ZBTB44: variants seen among roughly 807,000 people sequenced by gnomAD.
The protein encoded by ZBTB44 is zinc finger and BTB domain containing 44, also known as zinc finger and BTB domain-containing protein 44.
In ZBTB44, 15 loss-of-function variants were observed where a neutral mutation model predicts 54.0. The observed-to-expected ratio is 0.28, with a 90% CI of 0.19 to 0.43. The LOEUF is 0.43. Ranked by LOEUF, ZBTB44 falls within the 20% of genes least tolerant of loss-of-function variation. ZBTB44 has a pLI of 1.00. For missense variants in ZBTB44, 487 were observed against 707.1 expected (o/e 0.69, Z 3.53); for synonymous variants, 230 against 250.1 (o/e 0.92, Z 0.76).
intron 1 of ZBTB44, chr11:130,297,076 C>G: frequency 1.6e-6 from 1 of 630,342 alleles, no homozygotes; most frequent in African/African-American, 1.9e-5. Flanking sequence ...TTTCTTTCAT[C>G]TTGAATAACT....
chr11:130,304,719 A>G (rs1046445095), intron 1 of ZBTB44, among the ~76,000 whole-genome samples: 2 of 152,238 alleles, frequency 1.3e-5, no homozygotes, highest in Non-Finnish European at 2.9e-5. Context: ...AGTCCTAAGA[A>G]TATATTTTTA....
At chr11:130,284,419 G>T (rs1307064874) in intron 1 of ZBTB44, among the ~76,000 whole-genome samples, 1 of 152,140 alleles carries the variant, frequency 6.6e-6, no homozygotes, top group African/African-American at 2.4e-5. Context: ...AACATTTACT[G>T]GTGGCATATA....
intron 1 of ZBTB44, among the ~76,000 whole-genome samples, chr11:130,294,733 T>C (rs566855014): frequency 1.3e-5 from 2 of 152,212 alleles, no homozygotes; most frequent in South Asian, 2.1e-4. Context: ...GTTCCAATAA[T>C]GGAACGGTAG....
chr11:130,253,252 C>A (rs998056083), intron 2 of ZBTB44, among the ~76,000 whole-genome samples: 3 of 152,124 alleles, frequency 2.0e-5, no homozygotes, highest in African/African-American at 7.2e-5. Context: ...AAAGGGTATT[C>A]AATTACGAAA....
In ZBTB44 at chr11:130,268,845, G is replaced by A. The variant is rs546774876; in HGVS notation, c.-56-6916C>T. Among the ~76,000 whole-genome samples, 544 of 151,652 alleles carry A rather than the reference G, an allele frequency of 3.6e-3. 7 individuals are homozygous for A. Among genetic ancestry groups the A allele is most frequent in the African/African-American group, 0.013 (526 of 41,324 alleles). Reference sequence around the variant, plus strand: ...TCCACCTGACTCAGCCTCCCAAAGCGCTGGGATTACAGGTGTGAGCCATCA... The same window carrying A: ...TCCACCTGACTCAGCCTCCCAAAGCACTGGGATTACAGGTGTGAGCCATCA... On this transcript the variant is annotated intron_variant, in intron 1 of 7. Coordinates refer to ENST00000357899, the MANE Select transcript of ZBTB44 (RefSeq NM_001301098.2).
At chr11:130,300,353 A>AAT (rs1208812601) in intron 1 of ZBTB44, among the ~76,000 whole-genome samples, 2 of 151,750 alleles carry the variant, frequency 1.3e-5, no homozygotes, top group Non-Finnish European at 2.9e-5. Context: ...CACACACACA[A>AAT]ATCAATGGTC....
chr11:130,235,385 C>T (rs1280858786), intron 5 of ZBTB44, among the ~76,000 whole-genome samples: 1 of 152,054 alleles, frequency 6.6e-6, no homozygotes, highest in Non-Finnish European at 1.5e-5. Context: ...ATATGTATAA[C>T]CTAAGGTTTA....
chr11:130,240,562 C>T (rs1205025186), intron 2 of ZBTB44, among the ~76,000 whole-genome samples: 1 of 152,178 alleles, frequency 6.6e-6, no homozygotes. Flanking sequence ...AGACATACAA[C>T]TTGTTGCACA....
Position 130,299,676 on chromosome 11 carries a change from T to C in ZBTB44, c.-57+14699A>G, listed in dbSNP as rs145608545. Among the ~76,000 whole-genome samples the C allele has an allele frequency of 5.0e-3, 745 of 149,486 alleles. 6 individuals carry two copies. The highest frequency in any genetic ancestry group is 0.018 in the African/African-American group (725 of 40,842). The stretch of plus-strand genomic sequence containing the variant: ...AAAATAACAAGTCTTGGCAAGGATG[T>C]GGAGAAATTAAAATCCTTGTGCATG... On this transcript the variant is annotated intron_variant, in intron 1 of 7. Coordinates refer to ENST00000357899, the MANE Select transcript of ZBTB44 (RefSeq NM_001301098.2).
intron 1 of ZBTB44, among the ~76,000 whole-genome samples, chr11:130,278,469 T>C (rs11222025): frequency 0.033 from 5,012 of 152,256 alleles, 252 homozygotes; most frequent in African/African-American, 0.11. Context: ...TATGGGAAGT[T>C]TTCTGCCACT....
At chr11:130,236,742 A>G in intron 5 of ZBTB44, 51 bp downstream of exon 5, 1 of 1,331,218 alleles carries the variant, frequency 7.5e-7, no homozygotes, top group Non-Finnish European at 9.6e-7. Flanking sequence ...AAGCAGGAAA[A>G]GAGAGTTTAG....
chr11:130,261,361 T>C lies in ZBTB44; in HGVS notation c.513A>G (p.Glu171=). Residue 171 remains glutamate (E), a synonymous_variant, in exon 2 of 8, where the codon GAA becomes GAG. Coordinates refer to ENST00000357899, the MANE Select transcript of ZBTB44 (RefSeq NM_001301098.2). The surrounding 1 kb of genome is among the most constrained non-coding windows in gnomAD (Gnocchi z 4.8). ...ATTCTCGGCAGACAGGAATGGTTCTTTCTACCACACTGCACTCTGAGGACA... is the reference window on the plus strand; with the variant it reads ...ATTCTCGGCAGACAGGAATGGTTCTCTCTACCACACTGCACTCTGAGGACA... The part of the protein sequence containing the change: ...SPVSSECSVV[E]RTIPVCRESR... 6.2e-7 allele frequency: 1 copy of C among 1,613,994 alleles called. No individual in the cohort carries two copies. Among genetic ancestry groups the C allele is most frequent in the Non-Finnish European group, 8.5e-7 (1 of 1,179,892 alleles).
intron 1 of ZBTB44, among the ~76,000 whole-genome samples, chr11:130,270,226 C>A (rs79285761): frequency 1.3e-5 from 2 of 152,160 alleles, no homozygotes; most frequent in African/African-American, 4.8e-5. Flanking sequence ...AAGATACTAA[C>A]CAGGTTTTAA....
In ZBTB44 at chr11:130,264,835, T is replaced by C. The variant is rs116028395; in HGVS notation, c.-56-2906A>G. On this transcript the variant is annotated intron_variant, in intron 1 of 7. Transcript: ENST00000357899. ...TTGCAAATATTGTGTTTTTTACAAATTGGAAATTTGTGGCAACCCTGCTGT... is the reference window on the plus strand; with the variant it reads ...TTGCAAATATTGTGTTTTTTACAAACTGGAAATTTGTGGCAACCCTGCTGT... Among the ~76,000 whole-genome samples, 634 of 152,352 alleles carry C rather than the reference T, an allele frequency of 4.2e-3. 7 individuals are homozygous for C. Among genetic ancestry groups the C allele is most frequent in the African/African-American group, 0.014 (586 of 41,580 alleles).
At chr11:130,249,278 C>A (rs1591951499) in intron 2 of ZBTB44, among the ~76,000 whole-genome samples, 1 of 152,136 alleles carries the variant, frequency 6.6e-6, no homozygotes, top group South Asian at 2.1e-4. Context: ...GTAGGCAGTT[C>A]GTTACTCAGA....
At chr11:130,288,828 C>A (rs890809128) in intron 1 of ZBTB44, among the ~76,000 whole-genome samples, 2 of 150,104 alleles carry the variant, frequency 1.3e-5, no homozygotes, top group South Asian at 4.2e-4. Flanking sequence ...ACCCGGGAGG[C>A]GGAGGTTGCA....
chr11:130,271,508 CCCCT>C (rs1199786628), intron 1 of ZBTB44, among the ~76,000 whole-genome samples: 1 of 152,126 alleles, frequency 6.6e-6, no homozygotes, highest in Non-Finnish European at 1.5e-5. Context: ...CTAGGAGAAC[CCCCT>C]CCAACTTCCT....
chr11:130,266,122 G>C lies in ZBTB44; in HGVS notation c.-56-4193C>G, dbSNP rs145747118. The stretch of plus-strand genomic sequence containing the variant: ...CTCTTGTAAGCGGCTAATGCAGCTG[G>C]TGACTTAACTGGAAGCCAATATTCA... On this transcript the variant is annotated intron_variant, in intron 1 of 7. Transcript: ENST00000357899. Among the ~76,000 whole-genome samples, 200 of 152,314 alleles carry C rather than the reference G, an allele frequency of 1.3e-3. 2 individuals are homozygous for C. Among genetic ancestry groups the C allele is most frequent in the African/African-American group, 4.7e-3 (196 of 41,584 alleles).
chr11:130,263,597 G>A (rs1398476304), intron 1 of ZBTB44, among the ~76,000 whole-genome samples: 1 of 152,196 alleles, frequency 6.6e-6, no homozygotes, highest in Non-Finnish European at 1.5e-5. Flanking sequence ...ATGTGCATCG[G>A]AGTATTAAAA....
Sources: gnomAD v4.1 joint callset for allele counts (sites outside exome capture counted in the v4.1 genomes callset) on GRCh38, gnomAD v4.1.1 for gene constraint, Gnocchi (gnomAD v3.1) non-coding constraint, MANE v1.5 for transcripts, NCBI Gene and HGNC (gene_info 2026-07-23, HGNC 2026-07-21) for gene names.